The following ACVR1 variants were observed in gnomAD, a reference collection of about 807,000 sequenced individuals.
ACVR1 encodes the protein activin A receptor type 1, also known as activin receptor type-1.
ACVR1 carries 38 observed loss-of-function variants against 57.1 expected under a neutral mutation model. The ratio of observed to expected loss-of-function variants is 0.67; its 90% CI spans 0.51 to 0.87. The LOEUF is 0.87. Among genes scored for constraint, ACVR1 ranks in the 40% least tolerant of loss-of-function variants. The probability of loss-of-function intolerance (pLI) is 0.00; values close to 1 mark genes in which losing one functional copy is unlikely to be tolerated. For synonymous variants in ACVR1, 212 were observed against 228.1 expected (o/e 0.93, Z 0.63); for missense variants, 463 against 638.2 (o/e 0.73, Z 2.96).
chr2:157,818,740 G>C (rs1688038100), intron 1 of ACVR1, among the ~76,000 whole-genome samples, 181 bp from the exon 2 acceptor site: 1 of 152,130 alleles, frequency 6.6e-6, no homozygotes, highest in Non-Finnish European at 1.5e-5. Context: ...GAGTGTGGAG[G>C]TTATGGATCT....
intron 9 of ACVR1, among the ~76,000 whole-genome samples, chr2:157,754,771 C>G (rs1264893358): frequency 1.3e-5 from 2 of 152,130 alleles, no homozygotes; most frequent in East Asian, 3.8e-4. Flanking sequence ...AAGCCAGTAT[C>G]ACCCTAATAC....
intron 3 of ACVR1, among the ~76,000 whole-genome samples, chr2:157,795,142 G>A (rs1011440137): frequency 6.6e-6 from 1 of 151,940 alleles, no homozygotes; most frequent in Non-Finnish European, 1.5e-5. Flanking sequence ...TCAAATATGG[G>A]TCTATTTCCT....
chr2:157,777,266 C>T (rs1686325756), intron 5 of ACVR1, among the ~76,000 whole-genome samples: 1 of 152,046 alleles, frequency 6.6e-6, no homozygotes, highest in Admixed American at 6.6e-5. Flanking sequence ...TGTATAAATA[C>T]AATAGTTTCT....
At chr2:157,779,076 C>T (rs920134074) in intron 4 of ACVR1, among the ~76,000 whole-genome samples, 1 of 152,070 alleles carries the variant, frequency 6.6e-6, no homozygotes, top group Non-Finnish European at 1.5e-5. Context: ...ATGTCATTTG[C>T]ATGAGAAAGT....
chr2:157,809,745 G>A (rs797009678), intron 2 of ACVR1, among the ~76,000 whole-genome samples: 3 of 152,260 alleles, frequency 2.0e-5, no homozygotes, highest in African/African-American at 4.8e-5. Flanking sequence ...GTAGAAAGCC[G>A]ATAGAGTAGA....
rs1372602541 is a variant in ACVR1, at chr2:157,759,757, AT to A, written c.1264+1122del. Among the ~76,000 whole-genome samples the A allele has an allele frequency of 4.2e-4, 64 of 152,228 alleles. 1 individual carries two copies. The highest frequency in any genetic ancestry group is 1.4e-3 in the African/African-American group (58 of 41,572). ...AGATAACACATCATGATTAAGTGGG[AT>A]TTATTCTTGGGATGCAAGGAAGGTT... On this transcript the variant is annotated intron_variant, in intron 9 of 10. Transcript: ENST00000434821.
chr2:157,788,358 A>G (rs1457345183), intron 3 of ACVR1, among the ~76,000 whole-genome samples: 1 of 152,230 alleles, frequency 6.6e-6, no homozygotes, highest in Non-Finnish European at 1.5e-5. Context: ...GAGTAGCATG[A>G]TGGAATCTCA....
rs1685631843 is a variant in ACVR1 at position 157,761,067 on chromosome 2, G to C, written c.1077C>G (p.Val359=). The C allele has an allele frequency of 1.9e-6, 3 of 1,613,950 alleles. No individual in the cohort carries two copies. The highest frequency in any genetic ancestry group is 2.5e-6 in the Non-Finnish European group (3 of 1,179,994). ...GCTGATTGGTGCTCTGGGAATGCAT[G>C]ACTGCCAGGCCTGAAAGGAAGAAGA... ...QCCIADLGLA[V]MHSQSTNQLD... is the part of the protein sequence containing the mutation. Residue 359 remains valine, a synonymous_variant, in exon 9 of 11, where the codon GTC becomes GTG. Coordinates refer to ENST00000434821, the MANE Select transcript of ACVR1 (RefSeq NM_001111067.4).
intron 9 of ACVR1, among the ~76,000 whole-genome samples, chr2:157,747,840 T>C (rs1221585553): frequency 6.6e-6 from 1 of 152,098 alleles, no homozygotes; most frequent in African/African-American, 2.4e-5. Flanking sequence ...AAATTAGTCA[T>C]TGCCAAAGGA....
chr2:157,772,594 C>G (rs752132242), intron 6 of ACVR1, among the ~76,000 whole-genome samples: 2 of 152,132 alleles, frequency 1.3e-5, no homozygotes, highest in Admixed American at 1.3e-4. Flanking sequence ...GACTCTGGAG[C>G]CAATCTCTGA....
rs1418084055 is a variant in ACVR1 at position 157,818,539 on chromosome 2, G to A, written c.-162C>T. The A allele has an allele frequency of 1.3e-5, 2 of 152,274 alleles. No homozygotes were observed. Among genetic ancestry groups the A allele is most frequent in the Admixed American group, 1.3e-4 (2 of 15,286 alleles). 9.4% of individuals were successfully genotyped at this position (152,274 alleles called of 1,614,324 possible). A position where few individuals can be genotyped will look rare whatever the true frequency, so the allele number is the denominator to read the frequency against. Reference sequence around the variant, plus strand: ...CCAGCAGCTCTCACTTTGGCAGTGTGACGCTTACCAATGCTCCAGGCTGCA... The same window carrying A: ...CCAGCAGCTCTCACTTTGGCAGTGTAACGCTTACCAATGCTCCAGGCTGCA... On this transcript the variant is annotated 5_prime_UTR_variant, in exon 2 of 11. Transcript: ENST00000434821.
intron 9 of ACVR1, among the ~76,000 whole-genome samples, chr2:157,754,913 G>A (rs897268785): frequency 6.6e-6 from 1 of 152,130 alleles, no homozygotes; most frequent in Non-Finnish European, 1.5e-5. Context: ...AATCCACCAT[G>A]ATCAAGTGGG....
rs546507684 is a variant in ACVR1, at chr2:157,833,821, G to A, written c.-182-15262C>T. Among the ~76,000 whole-genome samples, 121 of 152,206 alleles carry A rather than the reference G, an allele frequency of 7.9e-4. 1 individual carries two copies. In the South Asian group the frequency reaches 0.023, roughly 29 times the overall value. On this transcript the variant is annotated intron_variant, in intron 1 of 10. Coordinates refer to ENST00000434821, the MANE Select transcript of ACVR1 (RefSeq NM_001111067.4). Reference sequence around the variant, plus strand: ...TCCTGTTAGTTTTAATTTTGAATGCGTTAAGTATTGGTGGAGGTAACTCTT... The same window carrying A: ...TCCTGTTAGTTTTAATTTTGAATGCATTAAGTATTGGTGGAGGTAACTCTT...
intron 2 of ACVR1, among the ~76,000 whole-genome samples, chr2:157,804,410 A>C (rs1687444659): frequency 6.6e-6 from 1 of 152,204 alleles, no homozygotes; most frequent in Admixed American, 6.5e-5. Context: ...AATACAGCTA[A>C]ATATTTTTGA....
rs1559028577 is a variant in ACVR1, at chr2:157,738,562, C to T, written c.1273G>A (p.Glu425Lys). 2 of 1,614,028 alleles carry T rather than the reference C, an allele frequency of 1.2e-6. No individual in the cohort carries two copies. Among genetic ancestry groups the T allele is most frequent in the Non-Finnish European group, 1.7e-6 (2 of 1,179,954 alleles). Residue 425 changes from glutamate (E) to lysine (K), a missense_variant, in exon 10 of 11, where the codon GAG becomes AAG. This residue lies in a region of ACVR1 where 146 missense variants were observed against 186.6 expected (regional missense o/e 0.78). Transcript: ENST00000434821. Reference protein sequence around the residue: ...ARRMVSNGIVEDYKPPFYDVV... With the variant: ...ARRMVSNGIVKDYKPPFYDVV... ...TCGTAGAACGGTGGCTTGTAATCCT[C>T]CACTATACCTGCACACAAGGACAAG...
At chr2:157,757,642 A>G (rs1685486240) in intron 9 of ACVR1, among the ~76,000 whole-genome samples, 2 of 151,924 alleles carry the variant, frequency 1.3e-5, no homozygotes, top group Non-Finnish European at 2.9e-5. Flanking sequence ...AGAATACTAC[A>G]CTCAACACAA....
intron 1 of ACVR1, among the ~76,000 whole-genome samples, chr2:157,833,717 A>C (rs955254307): frequency 2.0e-5 from 3 of 152,106 alleles, no homozygotes; most frequent in Non-Finnish European, 4.4e-5. Flanking sequence ...TACTTTCTAA[A>C]TCCAAGAGGG....
intron 1 of ACVR1, among the ~76,000 whole-genome samples, chr2:157,828,763 T>C (rs1230138475): frequency 1.6e-5 from 2 of 125,376 alleles, no homozygotes; most frequent in African/African-American, 1.1e-4. Flanking sequence ...TTTTTGTTTT[T>C]TTGTTTGTTT....
At chr2:157,848,404 A>G (rs2105362306) in intron 1 of ACVR1, among the ~76,000 whole-genome samples, 1 of 152,322 alleles carries the variant, frequency 6.6e-6, no homozygotes, top group South Asian at 2.1e-4. Flanking sequence ...TTCAGCTGAC[A>G]GCCCCAGCTG....
Sources: allele counts gnomAD v4.1 joint callset (sites outside exome capture counted in the v4.1 genomes callset), GRCh38; gene constraint gnomAD v4.1.1; regional missense constraint gnomAD v4.1.1; transcripts MANE v1.5; gene names NCBI Gene and HGNC (gene_info 2026-07-23, HGNC 2026-07-21).